RBM5: variants seen among roughly 807,000 people sequenced by gnomAD.
The protein encoded by RBM5 is RNA binding motif protein 5, also known as RNA-binding protein 5.
In RBM5, 15 loss-of-function variants were observed where a neutral mutation model predicts 124.6. The observed-to-expected ratio is 0.12, with a 90% confidence interval of 0.08 to 0.19. RBM5 has a LOEUF of 0.19. Ranked by LOEUF, RBM5 falls within the 10% of genes least tolerant of loss-of-function variation. The probability of loss-of-function intolerance (pLI) is 1.00; values close to 1 mark genes in which losing one functional copy is unlikely to be tolerated. For missense variants in RBM5, 580 were observed against 1,026.5 expected (o/e 0.57, Z 5.94); for synonymous variants, 337 against 361.2 (o/e 0.93, Z 0.76).
intron 20 of RBM5, 199 bp from the exon 21 acceptor site, chr3:50,115,229 A>G (rs777063731): frequency 1.8e-5 from 10 of 558,652 alleles, no homozygotes; most frequent in Non-Finnish European, 3.1e-5. Flanking sequence ...GAAGGTTGGT[A>G]CCAGGAGGCT....
Position 50,093,820 on chromosome 3 carries a change from G to C in RBM5, c.284G>C (p.Arg95Thr), listed in dbSNP as rs760969950. The change falls in exon 4 of 25, where the codon AGG becomes ACG. Residue 95 changes from arginine to threonine, a missense_variant. Arg to Thr is a moderately conservative substitution (Grantham distance 71). Around this residue, in one of 6 missense-constraint regions of RBM5, gnomAD observed 101 missense variants for 223.2 expected, o/e 0.45. Transcript: ENST00000347869. ...HDYRHDISDERESKTIMLRGL... is the reference protein window; with the variant it reads ...HDYRHDISDETESKTIMLRGL... ...TATAGGCATGACATCAGTGACGAGAGGGAGAGCAAGACCATCATGCTGCGC... is the reference window on the plus strand; with the variant it reads ...TATAGGCATGACATCAGTGACGAGACGGAGAGCAAGACCATCATGCTGCGC... 6.2e-7 allele frequency: 1 copy of C among 1,613,944 alleles called. No individual in the cohort carries two copies. The highest frequency in any genetic ancestry group is 1.7e-5 in the Admixed American group (1 of 60,020).
At chr3:50,098,145 G>A (rs1340986034) in intron 4 of RBM5, among the ~76,000 whole-genome samples, 4 of 152,116 alleles carry the variant, frequency 2.6e-5, no homozygotes, top group Non-Finnish European at 4.4e-5. Flanking sequence ...TTTTTTGGCT[G>A]TTGATTTTTT....
intron 15 of RBM5, 109 bp downstream of exon 15, chr3:50,109,797 C>T: frequency 1.4e-6 from 1 of 725,232 alleles, no homozygotes. Flanking sequence ...GTAATACACA[C>T]TTCAACCTTA....
chr3:50,105,047 T>G, intron 8 of RBM5, 30 bp from the exon 9 acceptor site: 1 of 1,462,478 alleles, frequency 6.8e-7, no homozygotes, highest in Non-Finnish European at 9.5e-7. Flanking sequence ...ATTAGTTGTT[T>G]GTCTCTAATT....
chr3:50,118,298 A>G (rs1374639655), intron 24 of RBM5, 33 bp from the exon 25 acceptor site: 5 of 1,612,702 alleles, frequency 3.1e-6, no homozygotes, highest in African/African-American at 1.3e-5. Flanking sequence ...CCCATACCCT[A>G]CCTCCCAGCT....
rs1172310904 is a variant in RBM5, at chr3:50,090,431, G to C, written c.-4G>C. The C allele has an allele frequency of 3.7e-6, 6 of 1,614,014 alleles. No homozygotes were observed. Among genetic ancestry groups the C allele is most frequent in the Non-Finnish European group, 5.1e-6 (6 of 1,179,950 alleles). ...GAGCTGTGTGCTAAATCTTCAGTGGGACAATGGGTTCAGACAAAAGGTAAG... is the reference window on the plus strand; with the variant it reads ...GAGCTGTGTGCTAAATCTTCAGTGGCACAATGGGTTCAGACAAAAGGTAAG... On this transcript the variant is annotated 5_prime_UTR_variant, in exon 2 of 25. Transcript: ENST00000347869.
At chr3:50,096,622 C>G (rs2090820845) in intron 4 of RBM5, among the ~76,000 whole-genome samples, 2 of 152,024 alleles carry the variant, frequency 1.3e-5, no homozygotes, top group African/African-American at 2.4e-5. Flanking sequence ...CAGGGCCTTA[C>G]TCTGTCGCAT....
rs559645877 is a variant in RBM5 at position 50,114,388 on chromosome 3, C to G, written c.1839+137C>G. ...CTGTTGATGGGTATTGGAGCAGTTT[C>G]TGCACATAGATTCCATGTCGGGGCT... On this transcript the variant is annotated intron_variant, in intron 20 of 24. Coordinates refer to ENST00000347869, the MANE Select transcript of RBM5 (RefSeq NM_005778.4). 5.1e-6 allele frequency: 4 copies of G among 780,082 alleles called. No individual in the cohort carries two copies. The East Asian group carries it at 1.2e-4, about 23-fold the overall frequency. 48.3% of individuals were successfully genotyped at this position (780,082 alleles called of 1,614,324 possible). A position where few individuals can be genotyped will look rare whatever the true frequency, so the allele number is the denominator to read the frequency against.
chr3:50,097,407 AAG>A (rs1553681601), intron 4 of RBM5, among the ~76,000 whole-genome samples: 3 of 151,960 alleles, frequency 2.0e-5, no homozygotes, highest in African/African-American at 7.3e-5. Flanking sequence ...AAAAAAAAAA[AAG>A]AAACTGCTAC....
intron 17 of RBM5, chr3:50,110,987 C>T (rs2091133628): frequency 1.9e-6 from 1 of 532,810 alleles, no homozygotes; most frequent in South Asian, 2.8e-5. Context: ...CAAAAAAATA[C>T]ACAAAACAGA....
rs2091106630 is a variant in RBM5 at position 50,109,678 on chromosome 3, C to T, written c.1268C>T (p.Pro423Leu). ...PQLYNQTSNP[P>L]GSPTEEAQPS... is the part of the protein sequence containing the mutation. ...CTGTATAATCAAACCTCCAATCCAC[C>T]TGGCTCTCCGGTAATCCTGTTGTCC... The change falls in exon 15 of 25, where the codon CCT becomes CTT. Residue 423 changes from proline to leucine, a missense_variant. By Grantham distance (98) the Pro-to-Leu change is moderately conservative. This residue lies in a region of RBM5 where 104 missense variants were observed against 128.7 expected (regional missense o/e 0.81). Transcript: ENST00000347869. 6.2e-7 allele frequency: 1 copy of T among 1,613,180 alleles called. No homozygotes were observed. The highest frequency in any genetic ancestry group is 1.3e-5 in the African/African-American group (1 of 74,894).
At position 50,117,025 on chromosome 3, in the gene RBM5, C is replaced by A; in HGVS notation, c.2095-49C>A. The A allele has an allele frequency of 6.5e-7, 1 of 1,529,636 alleles. No homozygotes were observed. The allele number at this position is 1,529,636 out of a possible 1,614,324, so 94.8% of individuals were successfully genotyped here. A position where few individuals can be genotyped will look rare whatever the true frequency, so the allele number is the denominator to read the frequency against. ...TTTGAATAGGTGCATTAGACGGTTA[C>A]AGGTTGAAGTCTGTGAACATTTCCA... On this transcript the variant is annotated intron_variant, in intron 22 of 24. Transcript: ENST00000347869. The surrounding 1 kb of genome is among the most constrained non-coding windows in gnomAD (Gnocchi z 4.2).
intron 6 of RBM5, 54 bp from the exon 7 acceptor site, chr3:50,103,029 A>C (rs921985396): frequency 5.7e-6 from 8 of 1,400,520 alleles, no homozygotes; most frequent in Middle Eastern, 1.8e-4. Context: ...TGCCCTGGGA[A>C]AATGGACACA....
intron 14 of RBM5, among the ~76,000 whole-genome samples, chr3:50,108,661 T>A (rs3733133): frequency 0.49 from 74,496 of 151,698 alleles, 19,386 homozygotes; most frequent in East Asian, 0.86. Flanking sequence ...GAGCTGAGAT[T>A]GCGCCACTGC....
At chr3:50,109,208 G>A (rs533948968) in intron 14 of RBM5, among the ~76,000 whole-genome samples, 64 of 152,262 alleles carry the variant, frequency 4.2e-4, no homozygotes, top group Non-Finnish European at 7.9e-4. Flanking sequence ...CAAGTAGCTG[G>A]AACTACAGGT....
In RBM5 at chr3:50,113,841, A is replaced by G. The variant is rs182061117; in HGVS notation, c.1618-109A>G. The stretch of plus-strand genomic sequence containing the variant: ...AATATTTGTAGGTGGAAGTAAGAGT[A>G]AAAGGGGTTTGTTACAGGGCATATA... On this transcript the variant is annotated intron_variant, in intron 18 of 24. Coordinates refer to ENST00000347869, the MANE Select transcript of RBM5 (RefSeq NM_005778.4). 8 of 1,269,490 alleles carry G rather than the reference A, an allele frequency of 6.3e-6. No individual in the cohort carries two copies. In the African/African-American group the frequency reaches 1.0e-4, roughly 17 times the overall value. 78.6% of individuals were successfully genotyped at this position (1,269,490 alleles called of 1,614,324 possible). A position where few individuals can be genotyped will look rare whatever the true frequency, so the allele number is the denominator to read the frequency against.
intron 6 of RBM5, 163 bp from the exon 7 acceptor site, chr3:50,102,920 T>C (rs2090968407): frequency 1.6e-6 from 1 of 620,868 alleles, no homozygotes; most frequent in African/African-American, 1.9e-5. Context: ...TTACTGCCTA[T>C]CTGAAGGATT....
chr3:50,118,475 GAT>G lies in RBM5; in HGVS notation c.*20_*21del. The G allele has an allele frequency of 6.3e-7, 1 of 1,598,330 alleles. No individual in the cohort carries two copies. The highest frequency in any genetic ancestry group is 1.1e-5 in the South Asian group (1 of 89,434). On this transcript the variant is annotated 3_prime_UTR_variant, in exon 25 of 25. Coordinates refer to ENST00000347869, the MANE Select transcript of RBM5 (RefSeq NM_005778.4). ...GGAGTGAGAGAGAGAGAGAGAGAGAGATGACAAGGAGCACAAGAAGTGGTCCA... is the reference window on the plus strand; with the variant it reads ...GGAGTGAGAGAGAGAGAGAGAGAGAGGACAAGGAGCACAAGAAGTGGTCCA...
intron 12 of RBM5, 107 bp downstream of exon 12, chr3:50,107,676 T>TC (rs2091062422): frequency 3.3e-6 from 1 of 304,140 alleles, no homozygotes; most frequent in Non-Finnish European, 5.2e-6. Flanking sequence ...TCTTTTCTTT[T>TC]TTTTTTTTTT....
Sources: allele counts gnomAD v4.1 joint callset (sites outside exome capture counted in the v4.1 genomes callset), GRCh38; gene constraint gnomAD v4.1.1; regional missense constraint gnomAD v4.1.1; non-coding constraint Gnocchi (gnomAD v3.1); transcripts MANE v1.5; gene names NCBI Gene and HGNC (gene_info 2026-07-23, HGNC 2026-07-21).